The following TPRG1 variants were observed in gnomAD, a reference collection of about 807,000 sequenced individuals.
TPRG1 encodes the protein tumor protein p63 regulated 1.
In TPRG1, 29 loss-of-function variants were observed where a neutral mutation model predicts 29.3. The ratio of observed to expected loss-of-function variants is 0.99; its 90% confidence interval spans 0.74 to 1.35. The LOEUF (loss-of-function observed/expected upper bound fraction) is 1.35. TPRG1 is among the 40% of genes most tolerant of loss of function. The pLI is 0.00. For synonymous variants in TPRG1, 130 were observed against 116.8 expected, an observed-to-expected ratio of 1.11 and a Z score of -0.73; for missense variants, 327 against 335.0, an observed-to-expected ratio of 0.98 and a Z score of 0.19.
chr3:189,274,425 C>T (rs1011397954), intron 4 of TPRG1, among the ~76,000 whole-genome samples: 2 of 152,126 alleles, frequency 1.3e-5, no homozygotes, highest in African/African-American at 4.8e-5. Context: ...TAAAATTTTA[C>T]AGTCAAAGCC....
intron 5 of TPRG1, among the ~76,000 whole-genome samples, chr3:189,320,121 T>C (rs1015194936): frequency 2.6e-5 from 4 of 152,100 alleles, no homozygotes; most frequent in African/African-American, 9.7e-5. Context: ...TTGTCTGCAA[T>C]CACGAGAATG....
intron 1 of TPRG1, among the ~76,000 whole-genome samples, chr3:189,203,063 A>G (rs1733755302): frequency 6.6e-6 from 1 of 152,148 alleles, no homozygotes; most frequent in East Asian, 1.9e-4. Context: ...CTGTTTCAAT[A>G]TTTGCCAAAT....
At chr3:189,274,713 C>A (rs1715805422) in intron 4 of TPRG1, among the ~76,000 whole-genome samples, 1 of 152,072 alleles carries the variant, frequency 6.6e-6, no homozygotes. Context: ...TTTCCCTAGA[C>A]TGAAAAAGGT....
intron 4 of TPRG1, among the ~76,000 whole-genome samples, chr3:189,279,005 TA>T (rs1716641163): frequency 6.6e-6 from 1 of 152,242 alleles, no homozygotes; most frequent in Non-Finnish European, 1.5e-5. Flanking sequence ...AGAGTTGTTC[TA>T]GTGGTGGAGG....
intron 3 of TPRG1, among the ~76,000 whole-genome samples, chr3:189,007,942 A>G (rs1339759210): frequency 2.7e-5 from 4 of 148,454 alleles, no homozygotes; most frequent in Non-Finnish European, 4.5e-5. Context: ...GATATACCTA[A>G]TGCTAGATGA....
At chr3:189,251,205 A>G (rs532186628) in intron 4 of TPRG1, among the ~76,000 whole-genome samples, 2 of 152,146 alleles carry the variant, frequency 1.3e-5, no homozygotes, top group East Asian at 1.9e-4. Context: ...GAAGAGCACT[A>G]TCAGAACTTA....
intron 1 of TPRG1, among the ~76,000 whole-genome samples, chr3:189,200,993 C>T (rs1733387813): frequency 6.6e-6 from 1 of 152,112 alleles, no homozygotes; most frequent in Non-Finnish European, 1.5e-5. Context: ...CCCTTTTTAC[C>T]CTTTTCATTT....
At chr3:189,086,620 C>T (rs962979538) in intron 4 of TPRG1, among the ~76,000 whole-genome samples, 2 of 151,300 alleles carry the variant, frequency 1.3e-5, no homozygotes, top group Non-Finnish European at 1.5e-5. Context: ...CTCCGCCTCC[C>T]GGATTCAAGT....
At chr3:189,279,407 G>T (rs1716717988) in intron 4 of TPRG1, among the ~76,000 whole-genome samples, 1 of 152,180 alleles carries the variant, frequency 6.6e-6, no homozygotes, top group African/African-American at 2.4e-5. Context: ...TAATTGGGGT[G>T]CAGAAAGAGG....
chr3:189,136,508 C>G (rs887947028), intron 3 of TPRG1, among the ~76,000 whole-genome samples: 1 of 152,120 alleles, frequency 6.6e-6, no homozygotes, highest in South Asian at 2.1e-4. Flanking sequence ...CATGTGAACC[C>G]TCAAGCAGCT....
chr3:189,208,027 T>C (rs1734678779), intron 2 of TPRG1, among the ~76,000 whole-genome samples: 1 of 152,190 alleles, frequency 6.6e-6, no homozygotes, highest in Non-Finnish European at 1.5e-5. Context: ...AAGTTTACGA[T>C]GGGATGCTCA....
chr3:189,310,947 C>T (rs2109315261), intron 5 of TPRG1, among the ~76,000 whole-genome samples: 1 of 152,196 alleles, frequency 6.6e-6, no homozygotes, highest in South Asian at 2.1e-4. Flanking sequence ...ACTTGGTAGT[C>T]TCACGTCTAA....
intron 1 of TPRG1, among the ~76,000 whole-genome samples, chr3:189,184,087 C>T (rs1414442205): frequency 6.6e-6 from 1 of 152,194 alleles, no homozygotes; most frequent in Non-Finnish European, 1.5e-5. Context: ...CCATGTTCTT[C>T]TGCCATGGCT....
At chr3:189,280,842 G>A (rs769394557) in intron 4 of TPRG1, among the ~76,000 whole-genome samples, 2 of 152,174 alleles carry the variant, frequency 1.3e-5, no homozygotes, top group Non-Finnish European at 2.9e-5. Flanking sequence ...ACATGTAGCA[G>A]ACAGTTTTGA....
chr3:189,231,265 C>CATATATATATATATATATATAT (rs149177739), intron 3 of TPRG1, among the ~76,000 whole-genome samples: 62 of 144,266 alleles, frequency 4.3e-4, no homozygotes, highest in African/African-American at 1.6e-3. Flanking sequence ...ACCTATAAAA[C>CATATATATATATATATATATAT]ATATATATAT....
intron 4 of TPRG1, among the ~76,000 whole-genome samples, chr3:189,250,513 C>CCT (rs1553931576): frequency 2.3e-5 from 2 of 88,738 alleles, no homozygotes; most frequent in South Asian, 5.8e-4. Context: ...CGCCCCCCCC[C>CCT]CCCCACCCAG....
At chr3:189,221,982 T>C (rs192348335) in intron 3 of TPRG1, among the ~76,000 whole-genome samples, 193 of 152,128 alleles carry the variant, frequency 1.3e-3, no homozygotes, top group African/African-American at 3.6e-3. Flanking sequence ...TTTTTTTTTT[T>C]CATCTCCCAA....
intron 1 of TPRG1, among the ~76,000 whole-genome samples, chr3:189,124,827 G>C (rs1722263627): frequency 6.6e-6 from 1 of 152,164 alleles, no homozygotes; most frequent in Admixed American, 6.5e-5. Flanking sequence ...AGCAAGATAA[G>C]AAATTGTTCA....
At chr3:189,247,464 A>T (rs1377697696) in intron 4 of TPRG1, among the ~76,000 whole-genome samples, 2 of 151,860 alleles carry the variant, frequency 1.3e-5, no homozygotes, top group East Asian at 3.9e-4. Flanking sequence ...GCTTCTGTTG[A>T]CTGTCCCTTT....
Sources: gnomAD v4.1 joint callset for allele counts (sites outside exome capture counted in the v4.1 genomes callset) on GRCh38, gnomAD v4.1.1 for gene constraint, MANE v1.5 for transcripts, NCBI Gene and HGNC (gene_info 2026-07-23, HGNC 2026-07-21) for gene names.